ALDH1B1: variants seen among roughly 807,000 people sequenced by gnomAD.
ALDH1B1 encodes aldehyde dehydrogenase 1 family member B1.
Under a neutral mutation model 26.2 loss-of-function variants are expected in ALDH1B1, and 19 were observed. The ratio of observed to expected loss-of-function variants is 0.72; its 90% CI spans 0.51 to 1.06. The LOEUF (loss-of-function observed/expected upper bound fraction) is 1.06. ALDH1B1 is among the 50% of genes least tolerant of loss of function. ALDH1B1 has a pLI of 0.00. For missense variants in ALDH1B1, 671 were observed against 683.1 expected (o/e 0.98, Z 0.20); for synonymous variants, 249 against 286.0 (o/e 0.87, Z 1.31).
Position 38,398,457 on chromosome 9 carries a change from G to A in ALDH1B1, c.*1155G>A, listed in dbSNP as rs1366239969. On this transcript the variant is annotated 3_prime_UTR_variant, in exon 2 of 2. Transcript: ENST00000377698. Reference sequence around the variant, plus strand: ...AGCCTCCTGAGTAGCTGGGATTATAGGTACATGCCATCACACCTGGCTAAT... The same window carrying A: ...AGCCTCCTGAGTAGCTGGGATTATAAGTACATGCCATCACACCTGGCTAAT... 6.6e-6 allele frequency: 1 copy of A among 152,522 alleles called. No individual in the cohort carries two copies. The highest frequency in any genetic ancestry group is 1.5e-5 in the Non-Finnish European group (1 of 67,990). 9.4% of individuals were successfully genotyped at this position (152,522 alleles called of 1,614,324 possible).
At chr9:38,394,164 T>C (rs1821236629) in intron 1 of ALDH1B1, among the ~76,000 whole-genome samples, 1 of 152,192 alleles carries the variant, frequency 6.6e-6, no homozygotes, top group Non-Finnish European at 1.5e-5. Context: ...CAAGGAGGCA[T>C]CCCTCTGCGC....
chr9:38,392,776 T>A lies in ALDH1B1; in HGVS notation c.-41T>A, dbSNP rs1170168524. ...GAGGGCCGGAACCAGAACCCAAGCG[T>A]GATCCTGAACCGGAGCCCGAGCCTG... On this transcript the variant is annotated 5_prime_UTR_variant, in exon 1 of 2. Transcript: ENST00000377698. 15 of 985,502 alleles carry A rather than the reference T, an allele frequency of 1.5e-5. No individual in the cohort carries two copies. The highest frequency in any genetic ancestry group is 1.8e-5 in the Non-Finnish European group (15 of 830,092). The allele number at this position is 985,502 out of a possible 1,614,324, so 61.0% of individuals were successfully genotyped here. A position where few individuals can be genotyped will look rare whatever the true frequency, so the allele number is the denominator to read the frequency against.
At chr9:38,395,620 G>GT in intron 1 of ALDH1B1, 120 bp from the exon 2 acceptor site, 1 of 1,380,148 alleles carries the variant, frequency 7.2e-7, no homozygotes, top group Non-Finnish European at 9.6e-7. Flanking sequence ...TACAGTCTGT[G>GT]TTTTTAGAGG....
At chr9:38,392,922 G>T in intron 1 of ALDH1B1, 115 bp downstream of exon 1, 1 of 984,868 alleles carries the variant, frequency 1.0e-6, no homozygotes, top group Non-Finnish European at 1.2e-6. Context: ...CCTTTCCGCC[G>T]TTGCACTGTA....
Position 38,396,376 on chromosome 9 carries a change from G to A in ALDH1B1, c.628G>A (p.Val210Met), listed in dbSNP as rs1224102162. 5 of 1,614,052 alleles carry A rather than the reference G, an allele frequency of 3.1e-6. No individual in the cohort carries two copies. In the Admixed American group the frequency reaches 8.3e-5, roughly 27 times the overall value. The change falls in exon 2 of 2, where the codon GTG becomes ATG. Residue 210 changes from valine to methionine, a missense_variant. Physicochemically the swap from Val to Met is conservative, Grantham distance 21. Transcript: ENST00000377698. ...LATGNTVVMK[V>M]AEQTPLSALY... ...CACAGGCAACACTGTGGTTATGAAG[G>A]TGGCAGAGCAGACCCCCCTCTCTGC...
chr9:38,393,032 ACC>A (rs1821219549), intron 1 of ALDH1B1, among the ~76,000 whole-genome samples: 1 of 152,098 alleles, frequency 6.6e-6, no homozygotes, highest in Non-Finnish European at 1.5e-5. Flanking sequence ...CGTTAGCTCG[ACC>A]TCAACACTCC....
chr9:38,395,031 T>G (rs1253026218), intron 1 of ALDH1B1, among the ~76,000 whole-genome samples: 1 of 152,176 alleles, frequency 6.6e-6, no homozygotes, highest in Non-Finnish European at 1.5e-5. Context: ...TCTGATGTCC[T>G]GAGTGGAGCT....
chr9:38,393,058 C>G (rs958457093), intron 1 of ALDH1B1, among the ~76,000 whole-genome samples: 1 of 152,254 alleles, frequency 6.6e-6, no homozygotes, highest in African/African-American at 2.4e-5. Context: ...CCACTCGGCC[C>G]ACTTCAACAG....
Position 38,395,770 on chromosome 9 carries a change from C to T in ALDH1B1, c.22C>T (p.Arg8Trp), listed in dbSNP as rs761929369. ...CAGCATGCTGCGCTTCCTGGCACCC[C>T]GGCTGCTTAGCCTCCAGGGCAGGAC... Reference protein sequence around the residue: MLRFLAPRLLSLQGRTAR... With the variant: MLRFLAPWLLSLQGRTAR... Residue 8 changes from arginine (R) to tryptophan (W), a missense_variant, in exon 2 of 2, where the codon CGG becomes TGG. Physicochemically the swap from Arg to Trp is moderately radical, Grantham distance 101 (BLOSUM62 -3). Coordinates refer to ENST00000377698, the MANE Select transcript of ALDH1B1 (RefSeq NM_000692.5). 2.8e-5 allele frequency: 45 copies of T among 1,599,296 alleles called. No homozygotes were observed. Among genetic ancestry groups the T allele is most frequent in the Non-Finnish European group, 3.6e-5 (42 of 1,171,092 alleles).
chr9:38,393,640 T>C, intron 1 of ALDH1B1, among the ~76,000 whole-genome samples: 1 of 152,056 alleles, frequency 6.6e-6, no homozygotes, highest in East Asian at 1.9e-4. Flanking sequence ...CTCCTCACCC[T>C]CAGAGCCAGG....
rs775037178 is a variant in ALDH1B1, at chr9:38,396,861, A to G, written c.1113A>G (p.Leu371=). The change falls in exon 2 of 2, where the codon CTA becomes CTG. Residue 371 remains leucine, a synonymous_variant. Transcript: ENST00000377698. ...QVDKEQFERV[L]GYIQLGQKEG... The stretch of plus-strand genomic sequence containing the variant: ...ACAAGGAGCAGTTTGAACGAGTCCT[A>G]GGCTACATCCAGCTTGGCCAGAAGG... 6.2e-7 allele frequency: 1 copy of G among 1,614,230 alleles called. No individual in the cohort carries two copies. The highest frequency in any genetic ancestry group is 8.5e-7 in the Non-Finnish European group (1 of 1,180,030).
In ALDH1B1 at chr9:38,397,220, G is replaced by A. The variant is rs1026017199; in HGVS notation, c.1472G>A (p.Gly491Glu). 6.2e-7 allele frequency: 1 copy of A among 1,614,140 alleles called. No homozygotes were observed. ...GGAGGGTTTAAGGAATCTGGAAACGGGAGGGAGCTGGGTGAGGATGGGCTT... is the reference window on the plus strand; with the variant it reads ...GGAGGGTTTAAGGAATCTGGAAACGAGAGGGAGCTGGGTGAGGATGGGCTT... ...PFGGFKESGNGRELGEDGLKA... is the reference protein window; with the variant it reads ...PFGGFKESGNERELGEDGLKA... Residue 491 changes from glycine (G) to glutamate (E), a missense_variant, in exon 2 of 2, where the codon GGG becomes GAG. By Grantham distance (98) the Gly-to-Glu change is moderately conservative. Coordinates refer to ENST00000377698, the MANE Select transcript of ALDH1B1 (RefSeq NM_000692.5).
At chr9:38,393,340 G>A (rs1374806252) in intron 1 of ALDH1B1, among the ~76,000 whole-genome samples, 2 of 152,154 alleles carry the variant, frequency 1.3e-5, no homozygotes, top group Non-Finnish European at 2.9e-5. Flanking sequence ...TTCCAGAATG[G>A]GGGTCATCAT....
Position 38,396,243 on chromosome 9 carries a change from C to T in ALDH1B1, c.495C>T (p.Gly165=). 6.2e-7 allele frequency: 1 copy of T among 1,614,188 alleles called. No individual in the cohort carries two copies. Among genetic ancestry groups the T allele is most frequent in the Non-Finnish European group, 8.5e-7 (1 of 1,180,024 alleles). ...ATGGCAAGACCATCCCCATGGATGG[C>T]CAGCATTTCTGCTTCACCCGGCATG... ...KWHGKTIPMD[G]QHFCFTRHEP... Residue 165 remains glycine, a synonymous_variant, in exon 2 of 2, where the codon GGC becomes GGT. Coordinates refer to ENST00000377698, the MANE Select transcript of ALDH1B1 (RefSeq NM_000692.5).
At position 38,397,401 on chromosome 9, in the gene ALDH1B1, TG is replaced by T; in HGVS notation, c.*100del. 1 of 1,418,028 alleles carries T rather than the reference TG, an allele frequency of 7.1e-7. No individual in the cohort carries two copies. The highest frequency in any genetic ancestry group is 9.4e-7 in the Non-Finnish European group (1 of 1,068,318). 87.8% of individuals were successfully genotyped at this position (1,418,028 alleles called of 1,614,324 possible). On this transcript the variant is annotated 3_prime_UTR_variant, in exon 2 of 2. Transcript: ENST00000377698. ...TTTAAAGCCAAGAACACCCTTTCTT[TG>T]TTCCAAATTAACTCTTAGAAGAAAC...
At position 38,397,509 on chromosome 9, in the gene ALDH1B1, C is replaced by G; in HGVS notation, c.*207C>G. 1.4e-6 allele frequency: 1 copy of G among 720,988 alleles called. No homozygotes were observed. Among genetic ancestry groups the G allele is most frequent in the Non-Finnish European group, 2.2e-6 (1 of 454,964 alleles). The allele number at this position is 720,988 out of a possible 1,614,324, so 44.7% of individuals were successfully genotyped here. A position where few individuals can be genotyped will look rare whatever the true frequency, so the allele number is the denominator to read the frequency against. ...AGGCTCAGAGTTCTACCTATCTAAC[C>G]CCCAACCACAGCCCCCTTGGTGGCC... On this transcript the variant is annotated 3_prime_UTR_variant, in exon 2 of 2. Transcript: ENST00000377698.
rs1228017728 is a variant in ALDH1B1, at chr9:38,396,228, C to A, written c.480C>A (p.Thr160=). The A allele has an allele frequency of 6.2e-7, 1 of 1,614,156 alleles. No homozygotes were observed. The highest frequency in any genetic ancestry group is 8.5e-7 in the Non-Finnish European group (1 of 1,179,998). The change falls in exon 2 of 2, where the codon ACC becomes ACA. Residue 160 remains threonine (T), a synonymous_variant. Transcript: ENST00000377698. The part of the protein sequence containing the change: ...AGWADKWHGK[T]IPMDGQHFCF... ...GGGCTGACAAGTGGCATGGCAAGACCATCCCCATGGATGGCCAGCATTTCT... is the reference window on the plus strand; with the variant it reads ...GGGCTGACAAGTGGCATGGCAAGACAATCCCCATGGATGGCCAGCATTTCT...
At chr9:38,395,056 T>C (rs1821252231) in intron 1 of ALDH1B1, among the ~76,000 whole-genome samples, 1 of 152,122 alleles carries the variant, frequency 6.6e-6, no homozygotes, top group Admixed American at 6.5e-5. Flanking sequence ...AGGGTTTTTA[T>C]ATGCAAGACA....
rs770551895 is a variant in ALDH1B1, at chr9:38,397,100, G to A, written c.1352G>A (p.Arg451Gln). 59 of 1,614,032 alleles carry A rather than the reference G, an allele frequency of 3.7e-5. No individual in the cohort carries two copies. Among genetic ancestry groups the A allele is most frequent in the Admixed American group, 2.0e-4 (12 of 60,004 alleles). The change falls in exon 2 of 2, where the codon CGG (arginine) becomes CAG (glutamine). Residue 451 changes from arginine (R) to glutamine (Q), a missense_variant. Transcript: ENST00000377698. ...GGCCTGGCTGCGGCTGTGTTCACCCGGGATCTGGACAAGGCCATGTACTTC... is the reference window on the plus strand; with the variant it reads ...GGCCTGGCTGCGGCTGTGTTCACCCAGGATCTGGACAAGGCCATGTACTTC... ...RYGLAAAVFT[R>Q]DLDKAMYFTQ... is the part of the protein sequence containing the mutation.
Sources: gnomAD v4.1 joint callset for allele counts (sites outside exome capture counted in the v4.1 genomes callset) on GRCh38, gnomAD v4.1.1 for gene constraint, MANE v1.5 for transcripts, NCBI Gene and HGNC (gene_info 2026-07-23, HGNC 2026-07-21) for gene names.